CLCN5: variants seen among roughly 807,000 people sequenced by gnomAD.
The protein encoded by CLCN5 is Cl-/H+ antiporter 5, also known as H(+)/Cl(-) exchange transporter 5.
Under a neutral mutation model 54.0 loss-of-function variants are expected in CLCN5, and 17 were observed. The observed-to-expected ratio is 0.31, with a 90% CI of 0.22 to 0.47. The LOEUF (loss-of-function observed/expected upper bound fraction) is 0.47. Ranked by LOEUF, CLCN5 falls within the 20% of genes least tolerant of loss-of-function variation. CLCN5 has a pLI of 1.00. For synonymous variants in CLCN5, 222 were observed against 233.0 expected (o/e 0.95, Z 0.43); for missense variants, 448 against 646.7 (o/e 0.69, Z 3.33).
In CLCN5 at chrX:50,095,993, G is replaced by A. The variant is rs1464481256; in HGVS notation, c.*3774G>A. 8.9e-6 allele frequency: 1 copy of A among 111,788 alleles called. No individual in the cohort carries two copies. Among genetic ancestry groups the A allele is most frequent in the Non-Finnish European group, 1.9e-5 (1 of 53,198 alleles). 9.2% of individuals were successfully genotyped at this position (111,788 alleles called of 1,213,427 possible). ...TCTTTGAACTTGAGTTTTTAATAAT[G>A]ATAGCAAAGACAATGGTGAGAACTT... On this transcript the variant is annotated 3_prime_UTR_variant, in exon 15 of 15. Coordinates refer to ENST00000376091, the MANE Select transcript of CLCN5 (RefSeq NM_001127898.4).
At chrX:49,938,414 C>G (rs1265347297) in intron 3 of CLCN5, among the ~76,000 whole-genome samples, 1 of 111,798 alleles carries the variant, frequency 8.9e-6, no homozygotes, top group African/African-American at 3.3e-5. Flanking sequence ...GTAACCAAAA[C>G]AGTATGGTAC....
At chrX:49,977,640 T>C (rs1231354458) in intron 3 of CLCN5, among the ~76,000 whole-genome samples, 1 of 111,933 alleles carries the variant, frequency 8.9e-6, no homozygotes, top group Non-Finnish European at 1.9e-5. Flanking sequence ...CAAGGTTGTA[T>C]ATGAGGACCA....
At chrX:49,932,182 C>T (rs1210331045) in intron 3 of CLCN5, among the ~76,000 whole-genome samples, 1 of 111,952 alleles carries the variant, frequency 8.9e-6, no homozygotes, top group Non-Finnish European at 1.9e-5. Flanking sequence ...TCCCAAAGTG[C>T]AGGGATTACA....
intron 4 of CLCN5, among the ~76,000 whole-genome samples, chrX:50,065,678 C>T (rs1322048035): frequency 9.9e-6 from 1 of 100,795 alleles, no homozygotes; most frequent in Admixed American, 1.1e-4. Context: ...ACCCAAAGGA[C>T]TATAAATCAT....
Position 50,080,637 on chromosome X carries a change from G to T in CLCN5, c.647G>T (p.Trp216Leu). Reference sequence around the variant, plus strand: ...GTCAATTATTTCATGTACGTCCTCTGGGCTCTCCTATTTGCCTTCCTTGCC... The same window carrying T: ...GTCAATTATTTCATGTACGTCCTCTTGGCTCTCCTATTTGCCTTCCTTGCC... ...YIVNYFMYVL[W>L]ALLFAFLAVS... The change falls in exon 8 of 15, where the codon TGG becomes TTG. Residue 216 changes from tryptophan (W) to leucine (L), a missense_variant. Trp to Leu is a moderately conservative substitution (Grantham distance 61). Around this residue, in one of 5 missense-constraint regions of CLCN5, gnomAD observed 40 missense variants for 27.8 expected, o/e 1.44. Transcript: ENST00000376091. The T allele has an allele frequency of 8.3e-7, 1 of 1,205,824 alleles. No homozygotes were observed. The highest frequency in any genetic ancestry group is 1.1e-6 in the Non-Finnish European group (1 of 890,805).
intron 3 of CLCN5, chrX:50,014,564 C>A (rs781982928): frequency 1.8e-5 from 6 of 336,706 alleles, no homozygotes; most frequent in South Asian, 1.6e-4. Flanking sequence ...ACCTTCTCTG[C>A]TTCGAGCACG....
chrX:49,954,637 G>A (rs1927223913), intron 3 of CLCN5, among the ~76,000 whole-genome samples: 1 of 110,961 alleles, frequency 9.0e-6, no homozygotes, highest in African/African-American at 3.3e-5. Flanking sequence ...GTGTATGGAT[G>A]GAGCTTGGCT....
intron 3 of CLCN5, among the ~76,000 whole-genome samples, chrX:49,953,429 C>A (rs1927157224): frequency 9.0e-6 from 1 of 111,434 alleles, no homozygotes; most frequent in African/African-American, 3.3e-5. Flanking sequence ...CCTCAGACTC[C>A]CAAATAGCTG....
chrX:50,007,220 G>C (rs181782680), intron 3 of CLCN5, among the ~76,000 whole-genome samples: 7 of 112,005 alleles, frequency 6.2e-5, no homozygotes, highest in Admixed American at 5.7e-4. Context: ...ATGCACATGT[G>C]CACAAGCAAG....
chrX:49,972,772 A>G (rs1178615948), intron 3 of CLCN5, among the ~76,000 whole-genome samples: 1 of 111,958 alleles, frequency 8.9e-6, no homozygotes, highest in African/African-American at 3.2e-5. Flanking sequence ...TTAAGATCAT[A>G]TAATTCTAAA....
At chrX:49,929,263 C>G (rs1486570118) in intron 3 of CLCN5, among the ~76,000 whole-genome samples, 1 of 112,013 alleles carries the variant, frequency 8.9e-6, no homozygotes, top group African/African-American at 3.2e-5. Flanking sequence ...ATTTTGACTT[C>G]ACTTAATGGA....
chrX:50,004,592 A>T (rs970891002), intron 3 of CLCN5, among the ~76,000 whole-genome samples: 8 of 111,530 alleles, frequency 7.2e-5, no homozygotes, highest in African/African-American at 9.8e-5. Flanking sequence ...TTAAAAAAAA[A>T]ATCATACCAT....
chrX:50,019,456 CT>C lies in CLCN5; in HGVS notation c.17-22849del, dbSNP rs1424021181. On this transcript the variant is annotated intron_variant, in intron 3 of 14. Coordinates refer to ENST00000376091, the MANE Select transcript of CLCN5 (RefSeq NM_001127898.4). ...TTGTGCCTTCTGTCTTTCATGCTTA[CT>C]TTTTTTTTTTCTTTTTTTTTTTTTT... Among the ~76,000 whole-genome samples, 188 of 64,404 alleles carry C rather than the reference CT, an allele frequency of 2.9e-3. 2 individuals are homozygous for C. Among genetic ancestry groups the C allele is most frequent in the South Asian group, 9.4e-3 (11 of 1,176 alleles). The allele number at this position is 64,404 out of a possible 115,157, so 55.9% of individuals were successfully genotyped here. A position where few individuals can be genotyped will look rare whatever the true frequency, so the allele number is the denominator to read the frequency against.
At chrX:50,069,505 G>A in intron 4 of CLCN5, 2 of 765,978 alleles carry the variant, frequency 2.6e-6, no homozygotes, top group South Asian at 1.3e-4. Flanking sequence ...GGTTCTTGAT[G>A]TGATATGGCT....
intron 3 of CLCN5, among the ~76,000 whole-genome samples, chrX:49,952,195 T>C (rs1350575093): frequency 9.0e-6 from 1 of 111,286 alleles, no homozygotes; most frequent in Non-Finnish European, 1.9e-5. Flanking sequence ...AGAAAGAGGC[T>C]GGGAATGTTA....
intron 3 of CLCN5, among the ~76,000 whole-genome samples, chrX:49,974,535 G>T (rs1829231509): frequency 9.0e-6 from 1 of 110,986 alleles, no homozygotes. Context: ...TTATGAGGTT[G>T]GTGCTATGAA....
intron 3 of CLCN5, chrX:50,003,106 C>CTGGG (rs1929957097): frequency 2.8e-6 from 1 of 360,943 alleles, no homozygotes; most frequent in Non-Finnish European, 5.6e-6. Flanking sequence ...TCCAAGGCAT[C>CTGGG]TGGGATACGC....
chrX:50,062,920 A>G (rs1180721542), intron 4 of CLCN5, among the ~76,000 whole-genome samples: 8 of 109,052 alleles, frequency 7.3e-5, no homozygotes, highest in Admixed American at 6.8e-4. Flanking sequence ...TGGGTAAATA[A>G]CGAAATGAAG....
intron 4 of CLCN5, among the ~76,000 whole-genome samples, chrX:50,059,758 T>C (rs1315729691): frequency 9.2e-6 from 1 of 108,668 alleles, no homozygotes; most frequent in Non-Finnish European, 1.9e-5. Context: ...GAAGTAACTG[T>C]ACATGGAATA....
Sources: allele counts gnomAD v4.1 joint callset (sites outside exome capture counted in the v4.1 genomes callset), GRCh38; gene constraint gnomAD v4.1.1; regional missense constraint gnomAD v4.1.1; transcripts MANE v1.5; gene names NCBI Gene and HGNC (gene_info 2026-07-23, HGNC 2026-07-21).